Variants in PRKAR1B observed in about 807,000 individuals in gnomAD.
The protein encoded by PRKAR1B is protein kinase cAMP-dependent type I regulatory subunit beta.
In PRKAR1B, 22 loss-of-function variants were observed where a neutral mutation model predicts 46.5. The observed-to-expected ratio is 0.47, with a 90% CI of 0.34 to 0.68. PRKAR1B has a LOEUF of 0.68. PRKAR1B is among the 30% of genes least tolerant of loss of function. The pLI, the probability that PRKAR1B is intolerant of heterozygous loss-of-function variation, is 0.01. For synonymous variants in PRKAR1B, 259 were observed against 217.7 expected (o/e 1.19, Z -1.67); for missense variants, 445 against 535.6 (o/e 0.83, Z 1.67).
At chr7:676,790 G>T (rs1260846184) in intron 4 of PRKAR1B, among the ~76,000 whole-genome samples, 1 of 151,974 alleles carries the variant, frequency 6.6e-6, no homozygotes, top group Non-Finnish European at 1.5e-5. Flanking sequence ...GGAGGGCGGC[G>T]GTGATTCCCA....
At chr7:665,371 C>T (rs936411997) in intron 4 of PRKAR1B, among the ~76,000 whole-genome samples, 1 of 152,186 alleles carries the variant, frequency 6.6e-6, no homozygotes, top group African/African-American at 2.4e-5. Flanking sequence ...TCTGCCTCCC[C>T]TGCCAAACGG....
intron 2 of PRKAR1B, among the ~76,000 whole-genome samples, chr7:686,620 T>C (rs1779111602): frequency 6.6e-6 from 1 of 152,168 alleles, no homozygotes; most frequent in Non-Finnish European, 1.5e-5. Flanking sequence ...TTTACTCCTG[T>C]TAATGACTGA....
chr7:633,086 C>T (rs1348281045), intron 4 of PRKAR1B, among the ~76,000 whole-genome samples: 1 of 152,100 alleles, frequency 6.6e-6, no homozygotes, highest in African/African-American at 2.4e-5. Flanking sequence ...GCTCCCACCA[C>T]TGCTCCGACT....
At chr7:724,161 G>T (rs780637252) in intron 1 of PRKAR1B, among the ~76,000 whole-genome samples, 4 of 152,150 alleles carry the variant, frequency 2.6e-5, no homozygotes, top group Non-Finnish European at 2.9e-5. Flanking sequence ...ACACTCCCAT[G>T]AGGCCTTTGC....
chr7:727,264 GTGCGCCGCGAGAGCTGCAGC>G (rs755341023), exon 1 of PRKAR1B: 32 of 1,327,418 alleles, frequency 2.4e-5, no homozygotes, highest in Admixed American at 3.8e-5. Flanking sequence ...CTTCGCCGCC[GTGCGCCGCGAGAGCTGCAGC>G]TGCGCCGCCG....
chr7:604,233 T>C (rs1257021770), intron 6 of PRKAR1B, among the ~76,000 whole-genome samples: 2 of 152,178 alleles, frequency 1.3e-5, no homozygotes, highest in Non-Finnish European at 2.9e-5. Flanking sequence ...TCCTCTGTCT[T>C]CTCTATTTCC....
chr7:599,978 C>T (rs893181218), intron 6 of PRKAR1B, among the ~76,000 whole-genome samples: 17 of 149,322 alleles, frequency 1.1e-4, no homozygotes, highest in African/African-American at 3.7e-4. Context: ...GCCCCCCATT[C>T]ACCTTCACTC....
intron 4 of PRKAR1B, among the ~76,000 whole-genome samples, chr7:657,297 ATGG>A (rs761223924): frequency 0.017 from 2,560 of 151,458 alleles, 99 homozygotes; most frequent in African/African-American, 0.052. Context: ...GGATGGATGG[ATGG>A]ATGAATGAAT....
intron 4 of PRKAR1B, among the ~76,000 whole-genome samples, chr7:654,953 C>A (rs1785118355): frequency 6.6e-6 from 1 of 152,188 alleles, no homozygotes; most frequent in Non-Finnish European, 1.5e-5. Flanking sequence ...TGGAAACAAA[C>A]CTCATAGCTG....
chr7:621,855 C>A (rs1480527521), intron 4 of PRKAR1B, among the ~76,000 whole-genome samples: 1 of 152,236 alleles, frequency 6.6e-6, no homozygotes, highest in East Asian at 1.9e-4. Flanking sequence ...GCTTGTGAAG[C>A]ACTCAGCAGA....
At chr7:707,551 T>C (rs1469351693) in intron 2 of PRKAR1B, among the ~76,000 whole-genome samples, 2 of 151,670 alleles carry the variant, frequency 1.3e-5, no homozygotes, top group African/African-American at 2.4e-5. Context: ...TCTGGAGTCC[T>C]AACCTCAGAA....
chr7:565,315 T>TA (rs551965444), intron 9 of PRKAR1B: 64 of 152,328 alleles, frequency 4.2e-4, no homozygotes, highest in African/African-American at 1.5e-3. Context: ...ATGCTGGTCT[T>TA]ACTACTAAGC....
intron 8 of PRKAR1B, among the ~76,000 whole-genome samples, chr7:580,683 T>A (rs74301156): frequency 0.42 from 62,982 of 150,528 alleles, 13,802 homozygotes; most frequent in African/African-American, 0.48. Context: ...GGAAAAAAAA[T>A]TTACTAACGT....
chr7:691,015 A>T (rs533425001), intron 2 of PRKAR1B, among the ~76,000 whole-genome samples: 1 of 151,080 alleles, frequency 6.6e-6, no homozygotes, highest in African/African-American at 2.4e-5. Context: ...GCGCCCACCC[A>T]CACTGGCCAG....
chr7:579,769 C>T (rs1780072220), intron 8 of PRKAR1B, among the ~76,000 whole-genome samples: 1 of 152,164 alleles, frequency 6.6e-6, no homozygotes, highest in African/African-American at 2.4e-5. Context: ...CAATGGAGTC[C>T]CAGCTAAGCA....
At chr7:653,299 T>A (rs1184919191) in intron 4 of PRKAR1B, among the ~76,000 whole-genome samples, 1 of 152,092 alleles carries the variant, frequency 6.6e-6, no homozygotes, top group Non-Finnish European at 1.5e-5. Context: ...AACGAGGCCT[T>A]CAAAGACCCA....
At chr7:687,765 C>T (rs969402481) in intron 2 of PRKAR1B, among the ~76,000 whole-genome samples, 5 of 152,110 alleles carry the variant, frequency 3.3e-5, no homozygotes, top group Non-Finnish European at 4.4e-5. Flanking sequence ...ACCGCAGGAG[C>T]TAAAGACAGA....
intron 2 of PRKAR1B, among the ~76,000 whole-genome samples, chr7:689,593 T>C (rs1779295961): frequency 6.6e-6 from 1 of 152,104 alleles, no homozygotes; most frequent in African/African-American, 2.4e-5. Context: ...TTATCTAGAC[T>C]TTGACTACAA....
chr7:578,957 C>G, intron 9 of PRKAR1B: 1 of 1,137,704 alleles, frequency 8.8e-7, no homozygotes, highest in Admixed American at 3.7e-5. Context: ...GCTGGGATGA[C>G]AGGCGTGAGC....
Sources: gnomAD v4.1 joint callset for allele counts (sites outside exome capture counted in the v4.1 genomes callset) on GRCh38, gnomAD v4.1.1 for gene constraint, MANE v1.5 for transcripts, NCBI Gene and HGNC (gene_info 2026-07-23, HGNC 2026-07-21) for gene names.